The following ESPN variants were observed in gnomAD, a reference collection of about 807,000 sequenced individuals.
ESPN encodes autosomal recessive deafness type 36 protein.
In ESPN, 68 loss-of-function variants were observed where a neutral mutation model predicts 77.7. That is an observed-to-expected ratio of 0.87 (90% CI 0.72 to 1.07). The LOEUF (loss-of-function observed/expected upper bound fraction) is 1.07. Among genes scored for constraint, ESPN ranks in the 50% least tolerant of loss-of-function variants. ESPN has a pLI of 0.00. For missense variants in ESPN, 1,060 were observed against 1,239.0 expected (o/e 0.86, Z 2.17); for synonymous variants, 449 against 567.1 (o/e 0.79, Z 2.96).
rs1407295523 is a variant in ESPN at position 6,428,024 on chromosome 1, GT to G, written c.295-200del. On this transcript the variant is annotated intron_variant, in intron 1 of 12. Transcript: ENST00000645284. The surrounding 1 kb of genome is among the most constrained non-coding windows in gnomAD (Gnocchi z 5.4). ...GCTACGGTTCAGAGAGGGCCAGTTA[GT>G]TGCCCAAGGACAGAAGCAGGACTCA... Among the ~76,000 whole-genome samples the G allele has an allele frequency of 6.6e-6, 1 of 152,198 alleles. No homozygotes were observed. Among genetic ancestry groups the G allele is most frequent in the Non-Finnish European group, 1.5e-5 (1 of 68,042 alleles).
Position 6,451,433 on chromosome 1 carries a change from G to T in ESPN, c.1916-170G>T. On this transcript the variant is annotated intron_variant, in intron 8 of 12. Coordinates refer to ENST00000645284, the MANE Select transcript of ESPN (RefSeq NM_031475.3). This position sits in a 1 kb window ranked among gnomAD's most constrained non-coding sequence, Gnocchi z 4.3. ...CAGGGAACCAAGGGCCCGCCTCTGGGGGCCCTGAAACCTGCCTGCAGGACC... is the reference window on the plus strand; with the variant it reads ...CAGGGAACCAAGGGCCCGCCTCTGGTGGCCCTGAAACCTGCCTGCAGGACC... 1 of 884,988 alleles carries T rather than the reference G, an allele frequency of 1.1e-6. No homozygotes were observed. Among genetic ancestry groups the T allele is most frequent in the Non-Finnish European group, 1.8e-6 (1 of 559,366 alleles). 54.8% of individuals were successfully genotyped at this position (884,988 alleles called of 1,614,324 possible).
intron 2 of ESPN, among the ~76,000 whole-genome samples, chr1:6,434,459 G>A (rs1643361049): frequency 6.6e-6 from 1 of 152,194 alleles, no homozygotes; most frequent in Admixed American, 6.5e-5. Flanking sequence ...TCTGCTGAAT[G>A]AGTGGGGTAT....
chr1:6,457,499 C>G (rs1162011948), intron 12 of ESPN, 127 bp downstream of exon 12: 5 of 1,127,782 alleles, frequency 4.4e-6, no homozygotes, highest in Non-Finnish European at 4.0e-6. Flanking sequence ...AGCCTCCTTC[C>G]TCCCTATAAT....
At chr1:6,430,591 C>G (rs2148505891) in intron 2 of ESPN, among the ~76,000 whole-genome samples, 1 of 152,268 alleles carries the variant, frequency 6.6e-6, no homozygotes, top group African/African-American at 2.4e-5. Flanking sequence ...TCCCTCTGAG[C>G]CCTTGTAGAA....
chr1:6,442,961 T>G (rs1643696126), intron 5 of ESPN: 1 of 149,834 alleles, frequency 6.7e-6, no homozygotes, highest in Non-Finnish European at 1.5e-5. Flanking sequence ...TCACCTGAAG[T>G]CAGGGTTCGA....
chr1:6,439,246 C>T (rs960743714), intron 2 of ESPN, among the ~76,000 whole-genome samples: 10 of 152,212 alleles, frequency 6.6e-5, no homozygotes, highest in Admixed American at 2.0e-4. Flanking sequence ...AAACCCAGGA[C>T]GTTTGACTAG....
At position 6,460,237 on chromosome 1, in the gene ESPN, C is replaced by T; in HGVS notation, c.*91C>T. On this transcript the variant is annotated 3_prime_UTR_variant, in exon 13 of 13. Coordinates refer to ENST00000645284, the MANE Select transcript of ESPN (RefSeq NM_031475.3). ...CAGGCCCTGGTGGAAAGGCTGGGAG[C>T]CGCACAGCCCTCCCCTCCTGCGCTG... is the stretch of plus-strand genomic sequence containing the variant. 1.3e-6 allele frequency: 2 copies of T among 1,490,406 alleles called. No individual in the cohort carries two copies. Among genetic ancestry groups the T allele is most frequent in the Non-Finnish European group, 1.8e-6 (2 of 1,094,462 alleles). The allele number at this position is 1,490,406 out of a possible 1,614,324, so 92.3% of individuals were successfully genotyped here. A position where few individuals can be genotyped will look rare whatever the true frequency, so the allele number is the denominator to read the frequency against.
Position 6,445,950 on chromosome 1 carries a change from C to T in ESPN, c.1464+15C>T. On this transcript the variant is annotated intron_variant, in intron 7 of 12. Transcript: ENST00000645284. ...TCAAGAAGGAGGTAGTGAGCCCTCA[C>T]CCCCTGCCTGCCTCCCAGCAGGGGG... 1.9e-6 allele frequency: 3 copies of T among 1,606,984 alleles called. No individual in the cohort carries two copies. The highest frequency in any genetic ancestry group is 2.2e-5 in the East Asian group (1 of 44,854).
At chr1:6,439,972 G>A (rs1429148090) in intron 2 of ESPN, among the ~76,000 whole-genome samples, 1 of 152,084 alleles carries the variant, frequency 6.6e-6, no homozygotes, top group Non-Finnish European at 1.5e-5. Context: ...TCGAGCCACT[G>A]CACTCCAGCC....
At chr1:6,456,430 C>T (rs1165467482) in intron 10 of ESPN, 5 of 332,830 alleles carry the variant, frequency 1.5e-5, no homozygotes, top group Non-Finnish European at 2.7e-5. Flanking sequence ...GTGTCCGCCT[C>T]TGGCCCCGTG....
intron 10 of ESPN, chr1:6,455,801 G>A: frequency 2.5e-6 from 1 of 398,948 alleles, no homozygotes; most frequent in Non-Finnish European, 4.4e-6. Flanking sequence ...AGGAGGTGGA[G>A]GCCGGCCGGC....
intron 8 of ESPN, among the ~76,000 whole-genome samples, 154 bp downstream of exon 8, chr1:6,449,245 A>G (rs1017033851): frequency 4.6e-5 from 7 of 152,172 alleles, no homozygotes; most frequent in Admixed American, 2.6e-4. Flanking sequence ...ACTTGACCCT[A>G]AGAGAGGGCT....
At position 6,448,834 on chromosome 1, in the gene ESPN, G is replaced by GC; in HGVS notation, c.1661dup (p.Arg555AlafsTer29). On this transcript the variant is annotated frameshift_variant, in exon 8 of 13. Coordinates refer to ENST00000645284, the MANE Select transcript of ESPN (RefSeq NM_031475.3). LOFTEE classifies it high-confidence loss of function. ...GCCCGCCAGCCCGCGCGCGCCGGCTGCCCGCGCCTCGGCCCTGCCGCCCGC... is the reference window on the plus strand; with the variant it reads ...GCCCGCCAGCCCGCGCGCGCCGGCTGCCCCGCGCCTCGGCCCTGCCGCCCGC... 1 of 1,237,774 alleles carries GC rather than the reference G, an allele frequency of 8.1e-7. No individual in the cohort carries two copies. The highest frequency in any genetic ancestry group is 1.0e-6 in the Non-Finnish European group (1 of 994,604). 76.7% of individuals were successfully genotyped at this position (1,237,774 alleles called of 1,614,324 possible). A position where few individuals can be genotyped will look rare whatever the true frequency, so the allele number is the denominator to read the frequency against.
At chr1:6,448,516 C>T (rs1280337252) in intron 7 of ESPN, 125 bp from the exon 8 acceptor site, 2 of 774,642 alleles carry the variant, frequency 2.6e-6, no homozygotes, top group Non-Finnish European at 3.9e-6. Context: ...TCTAGGAAGT[C>T]AGCTGCTGCA....
intron 2 of ESPN, among the ~76,000 whole-genome samples, chr1:6,439,941 A>G (rs1483332374): frequency 2.0e-5 from 3 of 152,108 alleles, no homozygotes; most frequent in South Asian, 4.1e-4. Context: ...CCCGGGAGGC[A>G]GAGGTTGCAG....
intron 8 of ESPN, among the ~76,000 whole-genome samples, chr1:6,449,563 C>T (rs1410200127): frequency 6.6e-6 from 1 of 152,226 alleles, no homozygotes; most frequent in Non-Finnish European, 1.5e-5. Flanking sequence ...CTCTTCCTCT[C>T]TCCACGTCTT....
At position 6,451,687 on chromosome 1, in the gene ESPN, C is replaced by T. The variant is rs754364841; in HGVS notation, c.2000C>T (p.Pro667Leu). 18 of 1,613,034 alleles carry T rather than the reference C, an allele frequency of 1.1e-5. No homozygotes were observed. Among genetic ancestry groups the T allele is most frequent in the South Asian group, 2.2e-5 (2 of 91,024 alleles). The change falls in exon 9 of 13, where the codon CCG becomes CTG. Residue 667 changes from proline (P) to leucine (L), a missense_variant. Pro to Leu is a moderately conservative substitution (Grantham distance 98). Coordinates refer to ENST00000645284, the MANE Select transcript of ESPN (RefSeq NM_031475.3). The surrounding 1 kb of genome is among the most constrained non-coding windows in gnomAD (Gnocchi z 4.3). ...AEIKAGKSLK[P>L]TPQSKGLTTV... ...ATTAAGGCAGGCAAGAGCCTGAAGC[C>T]GACGCCCCAGAGCAAGGGGCTGACC...
downstream of ESPN, chr1:6,461,175 C>G: frequency 2.9e-6 from 2 of 701,454 alleles, no homozygotes; most frequent in Non-Finnish European, 2.7e-6. The surrounding 1 kb of genome is among the most constrained non-coding windows in gnomAD (Gnocchi z 6.3). Context: ...TGTTTTCTTT[C>G]ACAGATTTAA....
At position 6,448,976 on chromosome 1, in the gene ESPN, A is replaced by ACCG. The variant is rs761087054; in HGVS notation, c.1812_1814dup (p.Pro605dup). On this transcript the variant is annotated inframe_insertion, in exon 8 of 13. Coordinates refer to ENST00000645284, the MANE Select transcript of ESPN (RefSeq NM_031475.3). ...CCAGGGAGCTGCCACCGCCGCCCCC[A>ACCG]CCGCCGCCGCCGCCCCTGCCGGAGG... The ACCG allele has an allele frequency of 1.0e-3, 1,423 of 1,419,426 alleles. 9 individuals are homozygous for ACCG. Among genetic ancestry groups the ACCG allele is most frequent in the South Asian group, 5.1e-3 (360 of 70,004 alleles). The allele number at this position is 1,419,426 out of a possible 1,614,324, so 87.9% of individuals were successfully genotyped here.
Sources: gnomAD v4.1 joint callset for allele counts (sites outside exome capture counted in the v4.1 genomes callset) on GRCh38, gnomAD v4.1.1 for gene constraint, Gnocchi (gnomAD v3.1) non-coding constraint, MANE v1.5 for transcripts, NCBI Gene and HGNC (gene_info 2026-07-23, HGNC 2026-07-21) for gene names.